Variants in ADD2 observed in about 807,000 individuals in gnomAD.
ADD2 encodes beta-adducin.
A neutral mutation model predicts 83.0 loss-of-function variants in ADD2; 23 were observed. The observed-to-expected ratio is 0.28, with a 90% CI of 0.20 to 0.39. The LOEUF (loss-of-function observed/expected upper bound fraction) is 0.39. ADD2 is among the 10% of genes least tolerant of loss of function. The pLI is 1.00. For synonymous variants in ADD2, 375 were observed against 375.4 expected (o/e 1.00, Z 0.01); for missense variants, 758 against 944.9 (o/e 0.80, Z 2.59).
chr2:70,733,370 A>C (rs941375483), intron 1 of ADD2, among the ~76,000 whole-genome samples: 6 of 152,344 alleles, frequency 3.9e-5, no homozygotes, highest in Non-Finnish European at 2.9e-5. Flanking sequence ...CCTTGAAATC[A>C]GGCCTGGTGG....
intron 4 of ADD2, among the ~76,000 whole-genome samples, chr2:70,703,568 G>A (rs984865327): frequency 1.9e-4 from 29 of 152,066 alleles, no homozygotes; most frequent in African/African-American, 6.5e-4. Flanking sequence ...AAATAATCAC[G>A]GATATAATCT....
chr2:70,766,797 G>A (rs1033531281), intron 1 of ADD2, among the ~76,000 whole-genome samples: 11 of 152,288 alleles, frequency 7.2e-5, no homozygotes, highest in Non-Finnish European at 1.2e-4. Flanking sequence ...TTCTATTATC[G>A]ATAAAGCTCA....
At chr2:70,704,266 C>A in intron 4 of ADD2, 55 bp downstream of exon 4, 1 of 650,828 alleles carries the variant, frequency 1.5e-6, no homozygotes, top group Non-Finnish European at 2.6e-6. Context: ...CCTCTCTTCC[C>A]CACCCCACCC....
chr2:70,733,739 C>G (rs1673390811), intron 1 of ADD2, among the ~76,000 whole-genome samples: 1 of 152,192 alleles, frequency 6.6e-6, no homozygotes, highest in African/African-American at 2.4e-5. Flanking sequence ...GATTCTATAT[C>G]TGGATTCCCA....
At chr2:70,752,687 A>C (rs1426595363) in intron 1 of ADD2, among the ~76,000 whole-genome samples, 1 of 152,232 alleles carries the variant, frequency 6.6e-6, no homozygotes, top group Non-Finnish European at 1.5e-5. Flanking sequence ...GTTTGAGTAA[A>C]GAAATCAAGA....
intron 1 of ADD2, among the ~76,000 whole-genome samples, chr2:70,716,123 A>G (rs1437387412): frequency 6.6e-6 from 1 of 152,162 alleles, no homozygotes; most frequent in East Asian, 1.9e-4. Context: ...TTTTCCAAAT[A>G]TAAAGTGTTA....
At chr2:70,752,801 A>G (rs1553383162) in intron 1 of ADD2, among the ~76,000 whole-genome samples, 1 of 152,252 alleles carries the variant, frequency 6.6e-6, no homozygotes, top group East Asian at 1.9e-4. Context: ...CTCACTACCC[A>G]AAGTAAGATC....
intron 2 of ADD2, among the ~76,000 whole-genome samples, chr2:70,712,315 G>A (rs1242927361): frequency 6.6e-6 from 1 of 151,852 alleles, no homozygotes; most frequent in African/African-American, 2.4e-5. Context: ...ATGGTGGTGT[G>A]CACCTGTAGT....
intron 1 of ADD2, among the ~76,000 whole-genome samples, chr2:70,745,834 A>G (rs782812794): frequency 5.9e-5 from 9 of 152,360 alleles, no homozygotes; most frequent in Non-Finnish European, 1.2e-4. Context: ...GAGGAGATAA[A>G]TTGAGTCCAA....
intron 1 of ADD2, among the ~76,000 whole-genome samples, chr2:70,745,804 A>T (rs958039712): frequency 5.3e-5 from 8 of 152,244 alleles, no homozygotes; most frequent in Non-Finnish European, 1.0e-4. Context: ...GTATCCAAGG[A>T]CAACAAAAGA....
chr2:70,691,071 A>G (rs1671007276), intron 7 of ADD2, 142 bp from the exon 8 acceptor site: 1 of 1,000,852 alleles, frequency 1.0e-6, no homozygotes. Flanking sequence ...GGCACAAGAA[A>G]GGCCTGGGCT....
Position 70,676,531 on chromosome 2 carries a change from C to A in ADD2, c.1593+265G>T. On this transcript the variant is annotated intron_variant, in intron 13 of 15. Transcript: ENST00000264436. The surrounding 1 kb of genome is among the most constrained non-coding windows in gnomAD (Gnocchi z 4.8). The stretch of plus-strand genomic sequence containing the variant: ...GAGTGGAGTTCCATGGCAGGAGGTA[C>A]GGAAGCCGGCCGCATCACTCCTGCA... 1.2e-5 allele frequency: 16 copies of A among 1,385,102 alleles called. No individual in the cohort carries two copies. The highest frequency in any genetic ancestry group is 1.5e-5 in the Non-Finnish European group (16 of 1,064,790). The allele number at this position is 1,385,102 out of a possible 1,614,324, so 85.8% of individuals were successfully genotyped here.
intron 1 of ADD2, among the ~76,000 whole-genome samples, chr2:70,734,835 G>C (rs74427829): frequency 6.6e-6 from 1 of 152,144 alleles, no homozygotes; most frequent in African/African-American, 2.4e-5. Context: ...GCACCTATTT[G>C]AGTAAGTGTG....
chr2:70,671,650 G>A (rs1553367064), intron 15 of ADD2, among the ~76,000 whole-genome samples: 1 of 152,220 alleles, frequency 6.6e-6, no homozygotes, highest in South Asian at 2.1e-4. Context: ...TGTGGAGACA[G>A]GTTGACAACA....
Position 70,663,580 on chromosome 2 carries a change from C to G in ADD2, c.2026G>C (p.Asp676His), listed in dbSNP as rs1291221486. 3.7e-6 allele frequency: 6 copies of G among 1,614,012 alleles called. No homozygotes were observed. In the Admixed American group the frequency reaches 1.0e-4, roughly 27 times the overall value. The change falls in exon 16 of 16, where the codon GAT (aspartate) becomes CAT (histidine). Residue 676 changes from aspartate (D) to histidine (H), a missense_variant. Physicochemically the swap from Asp to His is moderately conservative, Grantham distance 81. This residue lies in a region of ADD2 where 165 missense variants were observed against 176.2 expected (regional missense o/e 0.94). Transcript: ENST00000264436. The stretch of plus-strand genomic sequence containing the variant: ...GTTTTGTCCTTAGAGGTATCAACAT[C>G]CGTGTCAGCACTGGTGGTCATCTGG... ...LSQMTTSADT[D>H]VDTSKDKTES...
chr2:70,716,824 CTT>C (rs1672492912), intron 1 of ADD2, among the ~76,000 whole-genome samples: 2 of 152,268 alleles, frequency 1.3e-5, no homozygotes, highest in South Asian at 4.1e-4. Flanking sequence ...CAAATCACCT[CTT>C]GTCTTGGTAT....
intron 9 of ADD2, among the ~76,000 whole-genome samples, chr2:70,685,784 C>A (rs1266033997): frequency 6.6e-6 from 1 of 152,202 alleles, no homozygotes; most frequent in East Asian, 1.9e-4. Flanking sequence ...GAGGGAGAGA[C>A]TGCCCACAAC....
At position 70,742,751 on chromosome 2, in the gene ADD2, G is replaced by C. The variant is rs1277431241; in HGVS notation, c.-154+25135C>G. ...TCCACTCAAGTCCTTGATGTGCTCTGTATGTATAAATCTGGCAAAAGAGTT... is the reference window on the plus strand; with the variant it reads ...TCCACTCAAGTCCTTGATGTGCTCTCTATGTATAAATCTGGCAAAAGAGTT... On this transcript the variant is annotated intron_variant, in intron 1 of 15. Transcript: ENST00000264436. Among the ~76,000 whole-genome samples the C allele has an allele frequency of 8.5e-5, 13 of 152,300 alleles. No individual in the cohort carries two copies. The East Asian group carries it at 2.5e-3, about 29-fold the overall frequency.
chr2:70,758,924 C>T (rs1553384359), intron 1 of ADD2, among the ~76,000 whole-genome samples: 1 of 152,042 alleles, frequency 6.6e-6, no homozygotes, highest in African/African-American at 2.4e-5. Flanking sequence ...GAAACAGGAA[C>T]CCAAGCAAAG....
Sources: allele counts gnomAD v4.1 joint callset (sites outside exome capture counted in the v4.1 genomes callset), GRCh38; gene constraint gnomAD v4.1.1; regional missense constraint gnomAD v4.1.1; non-coding constraint Gnocchi (gnomAD v3.1); transcripts MANE v1.5; gene names NCBI Gene and HGNC (gene_info 2026-07-23, HGNC 2026-07-21).